PPM1L: variants seen among roughly 807,000 people sequenced by gnomAD.
The protein encoded by PPM1L is protein phosphatase 1L.
PPM1L carries 13 observed loss-of-function variants against 31.4 expected under a neutral mutation model. The observed-to-expected ratio is 0.41, with a 90% CI of 0.27 to 0.66. The LOEUF (loss-of-function observed/expected upper bound fraction) is 0.66, where lower values mean the gene tolerates loss of function less well. Ranked by LOEUF, PPM1L falls within the 30% of genes least tolerant of loss-of-function variation. The probability of loss-of-function intolerance (pLI) is 0.29; values close to 1 mark genes in which losing one functional copy is unlikely to be tolerated. For synonymous variants in PPM1L, 184 were observed against 175.4 expected, an observed-to-expected ratio of 1.05 and a Z score of -0.39; for missense variants, 326 against 453.7, an observed-to-expected ratio of 0.72 and a Z score of 2.56.
intron 2 of PPM1L, among the ~76,000 whole-genome samples, chr3:160,978,209 A>G (rs920782645): frequency 6.6e-6 from 1 of 152,160 alleles, no homozygotes; most frequent in Non-Finnish European, 1.5e-5. Context: ...CCACTCCCAC[A>G]TTTGGCCAAT....
At chr3:160,999,955 G>GT (rs1238705347) in intron 2 of PPM1L, among the ~76,000 whole-genome samples, 2 of 152,146 alleles carry the variant, frequency 1.3e-5, no homozygotes, top group African/African-American at 2.4e-5. Flanking sequence ...TATTTTTATT[G>GT]TAAGTACTGA....
chr3:160,887,826 GC>G (rs1365289756), intron 1 of PPM1L, among the ~76,000 whole-genome samples: 1 of 151,898 alleles, frequency 6.6e-6, no homozygotes, highest in Non-Finnish European at 1.5e-5. Flanking sequence ...CTCATGATCT[GC>G]CCGCCTCCTA....
At chr3:160,775,281 T>A (rs111547463) in intron 1 of PPM1L, among the ~76,000 whole-genome samples, 4 of 152,220 alleles carry the variant, frequency 2.6e-5, no homozygotes, top group Admixed American at 2.6e-4. Flanking sequence ...TCTCCTTTGC[T>A]GTGTGCCAAT....
intron 1 of PPM1L, among the ~76,000 whole-genome samples, chr3:160,913,597 T>C (rs1714046299): frequency 6.6e-6 from 1 of 152,182 alleles, no homozygotes; most frequent in African/African-American, 2.4e-5. Flanking sequence ...CTGCCCTCTG[T>C]CATTATAGAT....
chr3:161,028,936 G>T (rs1187434931), intron 2 of PPM1L, among the ~76,000 whole-genome samples: 1 of 152,142 alleles, frequency 6.6e-6, no homozygotes, highest in Non-Finnish European at 1.5e-5. Context: ...GAGGTCATCC[G>T]TACTAATAAA....
chr3:161,038,337 G>A (rs1172333438), intron 2 of PPM1L, among the ~76,000 whole-genome samples: 11 of 151,326 alleles, frequency 7.3e-5, no homozygotes, highest in Non-Finnish European at 1.6e-4. Flanking sequence ...TTAGAGACAG[G>A]GTCTCTCTCT....
At chr3:161,051,776 T>G (rs1389863413) in intron 2 of PPM1L, among the ~76,000 whole-genome samples, 1 of 152,182 alleles carries the variant, frequency 6.6e-6, no homozygotes, top group Non-Finnish European at 1.5e-5. Flanking sequence ...AGTGACTGTG[T>G]TCTGTTTGGA....
chr3:160,897,040 CTCTTT>C (rs1210674100), intron 1 of PPM1L, among the ~76,000 whole-genome samples: 6 of 131,584 alleles, frequency 4.6e-5, no homozygotes, highest in Non-Finnish European at 9.7e-5. Flanking sequence ...TGACTACTGA[CTCTTT>C]TTTTTTTTTT....
chr3:160,902,206 A>C (rs993390113), intron 1 of PPM1L, among the ~76,000 whole-genome samples: 5 of 152,102 alleles, frequency 3.3e-5, no homozygotes, highest in Non-Finnish European at 7.4e-5. Flanking sequence ...TACAATGCCC[A>C]CTTCTACATA....
At chr3:160,870,262 C>G (rs891747130) in intron 1 of PPM1L, among the ~76,000 whole-genome samples, 1 of 152,136 alleles carries the variant, frequency 6.6e-6, no homozygotes, top group Non-Finnish European at 1.5e-5. Flanking sequence ...CCCACCCACT[C>G]TCCGGAAAAG....
chr3:160,975,049 A>G (rs1450884764), intron 2 of PPM1L, among the ~76,000 whole-genome samples: 2 of 151,502 alleles, frequency 1.3e-5, no homozygotes, highest in African/African-American at 4.8e-5. Flanking sequence ...TGATTTTTGT[A>G]TAAGGTGTAA....
At chr3:160,942,326 C>T (rs1365290262) in intron 1 of PPM1L, among the ~76,000 whole-genome samples, 2 of 152,094 alleles carry the variant, frequency 1.3e-5, no homozygotes, top group Non-Finnish European at 2.9e-5. Flanking sequence ...AACTCCCTGA[C>T]TCAAGCAATC....
intron 1 of PPM1L, among the ~76,000 whole-genome samples, chr3:160,928,826 A>G (rs1714688861): frequency 6.6e-6 from 1 of 152,168 alleles, no homozygotes; most frequent in Non-Finnish European, 1.5e-5. Flanking sequence ...TGAACCTGCG[A>G]ATACCTCGAT....
chr3:161,034,787 C>A (rs575399681), intron 2 of PPM1L, among the ~76,000 whole-genome samples: 1 of 151,768 alleles, frequency 6.6e-6, no homozygotes, highest in South Asian at 2.1e-4. Flanking sequence ...ACCACCATGG[C>A]ACGTGTATAC....
At chr3:161,019,536 C>T (rs752486561) in intron 2 of PPM1L, among the ~76,000 whole-genome samples, 3 of 152,028 alleles carry the variant, frequency 2.0e-5, no homozygotes, top group Non-Finnish European at 4.4e-5. Context: ...ATTCTGGACA[C>T]TTTTTGGTGA....
chr3:160,779,119 G>A (rs149620639), intron 1 of PPM1L, among the ~76,000 whole-genome samples: 1,523 of 142,636 alleles, frequency 0.011, 14 homozygotes, highest in Non-Finnish European at 0.016. Context: ...AAAAAAAACT[G>A]TGTAAACGCT....
At chr3:160,917,424 C>G (rs1006559267) in intron 1 of PPM1L, among the ~76,000 whole-genome samples, 1 of 151,340 alleles carries the variant, frequency 6.6e-6, no homozygotes, top group Non-Finnish European at 1.5e-5. Flanking sequence ...CATTTCTGGC[C>G]TTAATTATCT....
chr3:160,832,702 A>G (rs1392530161), intron 1 of PPM1L, among the ~76,000 whole-genome samples: 1 of 152,210 alleles, frequency 6.6e-6, no homozygotes, highest in African/African-American at 2.4e-5. Flanking sequence ...GCATTGGTGC[A>G]ATAATGTTAA....
At chr3:160,844,993 A>G (rs1485745016) in intron 1 of PPM1L, among the ~76,000 whole-genome samples, 9 of 152,230 alleles carry the variant, frequency 5.9e-5, no homozygotes, top group Middle Eastern at 6.8e-3. Context: ...TTATATAAAT[A>G]GAATCTGTGG....
Sources: gnomAD v4.1 joint callset for allele counts (sites outside exome capture counted in the v4.1 genomes callset) on GRCh38, gnomAD v4.1.1 for gene constraint, MANE v1.5 for transcripts, NCBI Gene and HGNC (gene_info 2026-07-23, HGNC 2026-07-21) for gene names.